Variants in DTNA observed in about 807,000 individuals in gnomAD.
DTNA encodes dystrobrevin alpha.
In DTNA, 43 loss-of-function variants were observed where a neutral mutation model predicts 100.7. That is an observed-to-expected ratio of 0.43 (90% CI 0.33 to 0.55). The LOEUF is 0.55. DTNA is among the 20% of genes least tolerant of loss of function. The pLI is 0.04. For synonymous variants in DTNA, 349 were observed against 347.9 expected (o/e 1.00, Z -0.04); for missense variants, 798 against 953.9 (o/e 0.84, Z 2.15).
At chr18:34,853,433 G>T (rs2096509016) in intron 15 of DTNA, among the ~76,000 whole-genome samples, 1 of 152,106 alleles carries the variant, frequency 6.6e-6, no homozygotes, top group Non-Finnish European at 1.5e-5. Context: ...TCTCAAGAAA[G>T]AATAAAAAGG....
intron 1 of DTNA, among the ~76,000 whole-genome samples, chr18:34,743,572 A>G (rs2091081104): frequency 6.6e-6 from 1 of 152,180 alleles, no homozygotes; most frequent in Admixed American, 6.5e-5. Context: ...AGATAAAACT[A>G]GATTGTAAAC....
At chr18:34,741,163 T>G (rs1356771517) in intron 1 of DTNA, among the ~76,000 whole-genome samples, 1 of 152,198 alleles carries the variant, frequency 6.6e-6, no homozygotes, top group Non-Finnish European at 1.5e-5. Context: ...GATATTTTAA[T>G]TAGGTTAATG....
chr18:34,851,989 G>A (rs184062168), intron 15 of DTNA, 61 bp downstream of exon 15: 265 of 1,556,078 alleles, frequency 1.7e-4, no homozygotes, highest in Middle Eastern at 3.4e-4. Context: ...AATAAACTAT[G>A]GTCGTGCTTT....
At chr18:34,651,381 T>A (rs756374879) in intron 1 of DTNA, among the ~76,000 whole-genome samples, 2 of 152,166 alleles carry the variant, frequency 1.3e-5, no homozygotes, top group Non-Finnish European at 2.9e-5. Flanking sequence ...CTAATAGTCA[T>A]TACTATTTGA....
intron 1 of DTNA, among the ~76,000 whole-genome samples, chr18:34,627,966 T>G (rs975022556): frequency 6.6e-6 from 1 of 152,126 alleles, no homozygotes; most frequent in African/African-American, 2.4e-5. Context: ...TTGTTGTTGT[T>G]GGGGGGTAGA....
intron 1 of DTNA, among the ~76,000 whole-genome samples, chr18:34,678,207 G>A (rs563144530): frequency 1.2e-4 from 18 of 152,162 alleles, no homozygotes; most frequent in Middle Eastern, 3.4e-3. Flanking sequence ...CAGCAAACCC[G>A]TATCATAAAT....
chr18:34,514,168 A>G (rs1351535810), intron 1 of DTNA, among the ~76,000 whole-genome samples: 4 of 152,054 alleles, frequency 2.6e-5, no homozygotes, highest in Non-Finnish European at 2.9e-5. Flanking sequence ...GAAATCTATG[A>G]TTTTATTATC....
At chr18:34,852,154 T>C (rs959591531) in intron 15 of DTNA, among the ~76,000 whole-genome samples, 1 of 152,164 alleles carries the variant, frequency 6.6e-6, no homozygotes, top group Non-Finnish European at 1.5e-5. Context: ...TTCTGAGATA[T>C]CAATGCAATT....
At chr18:34,758,391 T>C (rs1160044569) in intron 2 of DTNA, among the ~76,000 whole-genome samples, 1 of 152,198 alleles carries the variant, frequency 6.6e-6, no homozygotes, top group East Asian at 1.9e-4. Flanking sequence ...TGGCCAGAGT[T>C]AAACAGGCAG....
chr18:34,868,842 G>A, intron 17 of DTNA: 3 of 884,018 alleles, frequency 3.4e-6, no homozygotes, highest in Non-Finnish European at 4.1e-6. Context: ...TTTCTTCTTT[G>A]TGTATCTTTA....
rs1031737445 is a variant in DTNA, at chr18:34,820,970, T to C, written c.1001+55T>C. On this transcript the variant is annotated intron_variant, in intron 9 of 22. Transcript: ENST00000444659. ...ACAATTTTCTTCAAGGGCACATGTC[T>C]GGAGCCACACAAAAGCAATTTCCTA... is the stretch of plus-strand genomic sequence containing the variant. The C allele has an allele frequency of 8.7e-6, 14 of 1,613,038 alleles. No homozygotes were observed. The Admixed American group carries it at 1.0e-4, about 12-fold the overall frequency.
At chr18:34,677,992 A>G (rs2145365034) in intron 1 of DTNA, among the ~76,000 whole-genome samples, 1 of 152,334 alleles carries the variant, frequency 6.6e-6, no homozygotes, top group East Asian at 1.9e-4. Flanking sequence ...GGCCTCAGGA[A>G]ACTTACAGTC....
Position 34,725,063 on chromosome 18 carries a change from A to G in DTNA, c.-2+14618A>G, listed in dbSNP as rs562861325. On this transcript the variant is annotated intron_variant, in intron 1 of 22. Transcript: ENST00000444659. ...GTCATATGCAGAAAACTGAAACTGG[A>G]CCCTTTCTTTACACCTTATACAAAA... Among the ~76,000 whole-genome samples the G allele has an allele frequency of 2.6e-5, 4 of 152,164 alleles. No individual in the cohort carries two copies. The East Asian group carries it at 7.7e-4, about 29-fold the overall frequency.
At position 34,672,490 on chromosome 18, in the gene DTNA, C is replaced by A. The variant is rs546996713; in HGVS notation, c.-1-83486C>A. ...GTAGCGATTTCTATAACAAAATAAA[C>A]CTTAATATAAAAATAAAATAGTGAC... On this transcript the variant is annotated intron_variant, in intron 1 of 19. Coordinates refer to the DTNA transcript ENST00000283365. Among the ~76,000 whole-genome samples, 42 of 152,176 alleles carry A rather than the reference C, an allele frequency of 2.8e-4. 1 individual carries two copies. In the South Asian group the frequency reaches 8.3e-3, roughly 30 times the overall value.
chr18:34,735,870 T>G (rs2089466404), intron 1 of DTNA, among the ~76,000 whole-genome samples: 1 of 152,162 alleles, frequency 6.6e-6, no homozygotes, highest in Admixed American at 6.6e-5. Context: ...ACTCTTCACA[T>G]AAGGTGGCTA....
intron 1 of DTNA, among the ~76,000 whole-genome samples, chr18:34,672,558 G>C (rs2076895584): frequency 6.6e-6 from 1 of 152,136 alleles, no homozygotes; most frequent in African/African-American, 2.4e-5. Flanking sequence ...TGTTCTGTGT[G>C]AATGTGTGTA....
chr18:34,853,693 A>G (rs1331474967), intron 15 of DTNA, among the ~76,000 whole-genome samples: 1 of 152,198 alleles, frequency 6.6e-6, no homozygotes, highest in African/African-American at 2.4e-5. Context: ...AGTTTGTCAC[A>G]TGTGATCCCT....
chr18:34,789,943 T>G (rs889031772), intron 3 of DTNA, among the ~76,000 whole-genome samples: 15 of 152,184 alleles, frequency 9.9e-5, no homozygotes, highest in Non-Finnish European at 4.4e-5. Flanking sequence ...CGAAAGTAGA[T>G]GCTATTTTCA....
At position 34,886,887 on chromosome 18, in the gene DTNA, T is replaced by C. The variant is rs964164235; in HGVS notation, c.*32-879T>C. ...TCTATCCTATTGTACTTTTTCTTAA[T>C]GTAACCAAGAAATGCAGGTGCATTT... On this transcript the variant is annotated intron_variant, in intron 22 of 22. Coordinates refer to ENST00000444659, the MANE Select transcript of DTNA (RefSeq NM_001386795.1). Among the ~76,000 whole-genome samples the C allele has an allele frequency of 1.6e-4, 24 of 152,240 alleles. 1 individual carries two copies. Among genetic ancestry groups the C allele is most frequent in the Admixed American group, 7.2e-4 (11 of 15,288 alleles).
Sources: allele counts gnomAD v4.1 joint callset (sites outside exome capture counted in the v4.1 genomes callset), GRCh38; gene constraint gnomAD v4.1.1; transcripts MANE v1.5; gene names NCBI Gene and HGNC (gene_info 2026-07-23, HGNC 2026-07-21).